PHLPP2: variants seen among roughly 807,000 people sequenced by gnomAD.
PHLPP2 encodes the protein PH domain leucine-rich repeat-containing protein phosphatase 2.
Under a neutral mutation model 124.9 loss-of-function variants are expected in PHLPP2, and 66 were observed. The observed-to-expected ratio is 0.53, with a 90% CI of 0.43 to 0.65. The LOEUF (loss-of-function observed/expected upper bound fraction) is 0.65. PHLPP2 is among the 30% of genes least tolerant of loss of function. PHLPP2 has a pLI of 0.00. For synonymous variants in PHLPP2, 681 were observed against 624.7 expected (o/e 1.09, Z -1.34); for missense variants, 1,685 against 1,600.4 (o/e 1.05, Z -0.90).
rs2044814176 is a variant in PHLPP2, at chr16:71,663,755, T to C, written c.1985+144A>G. On this transcript the variant is annotated intron_variant, in intron 13 of 18. Coordinates refer to ENST00000568954, the MANE Select transcript of PHLPP2 (RefSeq NM_015020.3). ...CAGGGTACTAACTATTAAGATGAGA[T>C]TTTGCCACTCAACTAGTGAAATCAT... 38 of 670,620 alleles carry C rather than the reference T, an allele frequency of 5.7e-5. No individual in the cohort carries two copies. In the South Asian group the frequency reaches 6.9e-4, roughly 12 times the overall value. The allele number at this position is 670,620 out of a possible 1,614,324, so 41.5% of individuals were successfully genotyped here. A position where few individuals can be genotyped will look rare whatever the true frequency, so the allele number is the denominator to read the frequency against.
At chr16:71,713,024 CATAGT>C (rs1314415771) in intron 2 of PHLPP2, among the ~76,000 whole-genome samples, 1 of 152,152 alleles carries the variant, frequency 6.6e-6, no homozygotes, top group Non-Finnish European at 1.5e-5. Flanking sequence ...AGTTCACATG[CATAGT>C]ATAAGACTAT....
In PHLPP2 at chr16:71,645,925, T is replaced by C. The variant is rs2044650180; in HGVS notation, c.*2965A>G. On this transcript the variant is annotated 3_prime_UTR_variant, in exon 19 of 19. Coordinates refer to ENST00000568954, the MANE Select transcript of PHLPP2 (RefSeq NM_015020.3). ...ACCATGGCTGCCAAGACACATGTAT[T>C]TTTCTTTCTTCCATGGACTCCTAAA... 6.6e-6 allele frequency: 1 copy of C among 152,430 alleles called. No individual in the cohort carries two copies. Among genetic ancestry groups the C allele is most frequent in the Non-Finnish European group, 1.5e-5 (1 of 68,044 alleles). 9.4% of individuals were successfully genotyped at this position (152,430 alleles called of 1,614,324 possible).
chr16:71,719,938 C>T lies in PHLPP2; in HGVS notation c.-7+4391G>A, dbSNP rs377177545. On this transcript the variant is annotated intron_variant, in intron 1 of 18. Transcript: ENST00000568954. ...TCAGGCTCCTGAGTAGCTGGGATTA[C>T]AGGTGCACAACACCATGCCCAGCTA... Among the ~76,000 whole-genome samples the T allele has an allele frequency of 1.4e-4, 20 of 143,788 alleles. 1 individual carries two copies. The East Asian group carries it at 4.1e-3, about 29-fold the overall frequency. The allele number at this position is 143,788 out of a possible 152,430, so 94.3% of individuals were successfully genotyped here.
chr16:71,648,601 C>T lies in PHLPP2; in HGVS notation c.*289G>A. 3.5e-6 allele frequency: 1 copy of T among 287,574 alleles called. No homozygotes were observed. Among genetic ancestry groups the T allele is most frequent in the East Asian group, 5.6e-5 (1 of 17,770 alleles). The allele number at this position is 287,574 out of a possible 1,614,324, so 17.8% of individuals were successfully genotyped here. ...CCTGGCCAACATGGTGAAACCCCGT[C>T]TCTAAAAAAAAAAAATAAAACTTAG... On this transcript the variant is annotated 3_prime_UTR_variant, in exon 19 of 19. Coordinates refer to ENST00000568954, the MANE Select transcript of PHLPP2 (RefSeq NM_015020.3).
chr16:71,708,010 C>A (rs2045291511), intron 2 of PHLPP2, among the ~76,000 whole-genome samples: 1 of 152,148 alleles, frequency 6.6e-6, no homozygotes, highest in Non-Finnish European at 1.5e-5. Flanking sequence ...GTAATACGAG[C>A]ACTTTGGGAA....
intron 3 of PHLPP2, among the ~76,000 whole-genome samples, chr16:71,692,811 T>C (rs1376856711): frequency 3.0e-5 from 2 of 66,238 alleles, no homozygotes; most frequent in Non-Finnish European, 5.9e-5. Flanking sequence ...TGTTATGCCA[T>C]ATTTTTCTTT....
chr16:71,644,989 C>T lies in PHLPP2; in HGVS notation c.*3901G>A. The stretch of plus-strand genomic sequence containing the variant: ...TTTATTATTGTTATTGTTATTTTTA[C>T]AAACAATAGATTTGCTGCAACATGC... On this transcript the variant is annotated 3_prime_UTR_variant, in exon 19 of 19. Coordinates refer to ENST00000568954, the MANE Select transcript of PHLPP2 (RefSeq NM_015020.3). 1 of 290,882 alleles carries T rather than the reference C, an allele frequency of 3.4e-6. No homozygotes were observed. The allele number at this position is 290,882 out of a possible 1,614,324, so 18.0% of individuals were successfully genotyped here. A position where few individuals can be genotyped will look rare whatever the true frequency, so the allele number is the denominator to read the frequency against.
intron 8 of PHLPP2, 161 bp from the exon 9 acceptor site, chr16:71,676,810 G>T (rs2044950666): frequency 1.7e-6 from 1 of 597,126 alleles, no homozygotes; most frequent in Non-Finnish European, 3.0e-6. Context: ...GTGCAATGGC[G>T]TGATCTCGGT....
intron 13 of PHLPP2, among the ~76,000 whole-genome samples, chr16:71,663,494 CAG>C (rs2044811873): frequency 6.6e-6 from 1 of 152,182 alleles, no homozygotes. Context: ...TCCTAGAGGA[CAG>C]AGACTGTAAC....
rs1197104624 is a variant in PHLPP2 at position 71,724,695 on chromosome 16, C to T, written c.-373G>A. On this transcript the variant is annotated 5_prime_UTR_variant, in exon 1 of 19. Coordinates refer to ENST00000568954, the MANE Select transcript of PHLPP2 (RefSeq NM_015020.3). ...CTCTGCCCTTCTTTAGATCTATACCCCTGTGCAAGTTACTTGATCTAAGCC... is the reference window on the plus strand; with the variant it reads ...CTCTGCCCTTCTTTAGATCTATACCTCTGTGCAAGTTACTTGATCTAAGCC... 1.3e-5 allele frequency: 2 copies of T among 151,368 alleles called. No individual in the cohort carries two copies. Among genetic ancestry groups the T allele is most frequent in the Non-Finnish European group, 2.9e-5 (2 of 67,876 alleles). The allele number at this position is 151,368 out of a possible 1,614,324, so 9.4% of individuals were successfully genotyped here. A position where few individuals can be genotyped will look rare whatever the true frequency, so the allele number is the denominator to read the frequency against.
intron 8 of PHLPP2, 126 bp downstream of exon 8, chr16:71,678,629 G>C (rs2044969045): frequency 3.1e-6 from 2 of 638,048 alleles, no homozygotes; most frequent in South Asian, 2.0e-5. Flanking sequence ...GACAAAGTGA[G>C]ACCTTGTCTC....
rs1268170121 is a variant in PHLPP2, at chr16:71,708,807, T to A, written c.284+5705A>T. Among the ~76,000 whole-genome samples the A allele has an allele frequency of 4.0e-5, 6 of 150,458 alleles. No homozygotes were observed. The East Asian group carries it at 9.8e-4, about 25-fold the overall frequency. On this transcript the variant is annotated intron_variant, in intron 2 of 18. Coordinates refer to ENST00000568954, the MANE Select transcript of PHLPP2 (RefSeq NM_015020.3). The stretch of plus-strand genomic sequence containing the variant: ...TCTCAGAAACCAAAAAAAAGAAAAA[T>A]CTAGCCAGATGCAGCAGCGTGCCCC...
chr16:71,721,654 C>T (rs1389031976), intron 1 of PHLPP2, among the ~76,000 whole-genome samples: 1 of 107,230 alleles, frequency 9.3e-6, no homozygotes, highest in Non-Finnish European at 1.9e-5. Context: ...CTTTGCTAAA[C>T]ACCCAAAACT....
At chr16:71,690,136 T>C (rs895390857) in intron 4 of PHLPP2, among the ~76,000 whole-genome samples, 3 of 152,236 alleles carry the variant, frequency 2.0e-5, no homozygotes, top group Admixed American at 2.0e-4. Context: ...TCACAACTTA[T>C]GACTACCTCA....
At chr16:71,698,217 C>T (rs931155345) in intron 3 of PHLPP2, among the ~76,000 whole-genome samples, 3 of 152,222 alleles carry the variant, frequency 2.0e-5, no homozygotes, top group African/African-American at 2.4e-5. Context: ...GAGCAGGGCC[C>T]GCCACTTGTC....
At chr16:71,702,891 C>T (rs2045245283) in intron 2 of PHLPP2, among the ~76,000 whole-genome samples, 160 bp from the exon 3 acceptor site, 1 of 151,938 alleles carries the variant, frequency 6.6e-6, no homozygotes, top group South Asian at 2.1e-4. Flanking sequence ...TTAGTGTAAT[C>T]CTCACCTGAA....
intron 10 of PHLPP2, among the ~76,000 whole-genome samples, chr16:71,670,689 G>A (rs1338659549): frequency 6.0e-5 from 1 of 16,644 alleles, no homozygotes; most frequent in Non-Finnish European, 1.4e-4. Flanking sequence ...GAAAAAAGAG[G>A]CTGAAAACAC....
At chr16:71,708,657 G>A (rs897348104) in intron 2 of PHLPP2, among the ~76,000 whole-genome samples, 2 of 152,150 alleles carry the variant, frequency 1.3e-5, no homozygotes, top group East Asian at 1.9e-4. Context: ...CTGGTGTTGC[G>A]CGCCTGTAGT....
At chr16:71,657,060 A>C (rs1278664828) in intron 15 of PHLPP2, among the ~76,000 whole-genome samples, 1 of 151,968 alleles carries the variant, frequency 6.6e-6, no homozygotes, top group Non-Finnish European at 1.5e-5. Flanking sequence ...CTCCTGCCTC[A>C]ACCTCCCAAG....
Sources: gnomAD v4.1 joint callset for allele counts (sites outside exome capture counted in the v4.1 genomes callset) on GRCh38, gnomAD v4.1.1 for gene constraint, MANE v1.5 for transcripts, NCBI Gene and HGNC (gene_info 2026-07-23, HGNC 2026-07-21) for gene names.